Variants in SYN2 observed in about 807,000 individuals in gnomAD.
SYN2 encodes synapsin-2.
A neutral mutation model predicts 50.9 loss-of-function variants in SYN2; 19 were observed. That is an observed-to-expected ratio of 0.37 (90% CI 0.26 to 0.55). The LOEUF is 0.55. Among genes scored for constraint, SYN2 ranks in the 20% least tolerant of loss-of-function variants. SYN2 has a pLI of 0.81. For missense variants in SYN2, 587 were observed against 576.4 expected, an observed-to-expected ratio of 1.02 and a Z score of -0.19; for synonymous variants, 255 against 224.9, an observed-to-expected ratio of 1.13 and a Z score of -1.20.
rs74487652 is a variant in SYN2, at chr3:12,135,444, A to G, written c.378-5207A>G. Among the ~76,000 whole-genome samples the G allele has an allele frequency of 8.8e-3, 1,340 of 152,304 alleles. 18 individuals are homozygous for G. The highest frequency in any genetic ancestry group is 0.031 in the African/African-American group (1,277 of 41,564). On this transcript the variant is annotated intron_variant, in intron 1 of 12. Coordinates refer to ENST00000621198, the MANE Select transcript of SYN2 (RefSeq NM_133625.6). Reference sequence around the variant, plus strand: ...AGGTAAATGTCTAGACCAGTGCTAGATATTTACTAGGTGCTGGACTGTTTA... The same window carrying G: ...AGGTAAATGTCTAGACCAGTGCTAGGTATTTACTAGGTGCTGGACTGTTTA...
chr3:12,099,240 C>G (rs901695861), intron 1 of SYN2, among the ~76,000 whole-genome samples: 4 of 152,034 alleles, frequency 2.6e-5, no homozygotes, highest in Non-Finnish European at 4.4e-5. Context: ...ATAGAACACC[C>G]AACAATAGTA....
intron 1 of SYN2, among the ~76,000 whole-genome samples, chr3:12,121,704 A>AGGAGGGAGGAAG (rs899292764): frequency 7.0e-6 from 1 of 142,356 alleles, no homozygotes; most frequent in African/African-American, 2.6e-5. Context: ...GAGGGCAGGG[A>AGGAGGGAGGAAG]GGAGGGAGGA....
chr3:12,070,606 T>G, intron 1 of SYN2: 1 of 1,377,292 alleles, frequency 7.3e-7, no homozygotes, highest in Non-Finnish European at 9.9e-7. Flanking sequence ...CAGATCATGT[T>G]TGAGACCTTC....
chr3:12,129,638 A>G (rs367840101), intron 1 of SYN2, among the ~76,000 whole-genome samples: 34 of 152,160 alleles, frequency 2.2e-4, no homozygotes, highest in African/African-American at 6.7e-4. Context: ...GTAAATGGCT[A>G]TTTGTTTTTG....
chr3:12,049,444 G>C (rs1267333400), intron 1 of SYN2, among the ~76,000 whole-genome samples: 1 of 152,030 alleles, frequency 6.6e-6, no homozygotes, highest in Non-Finnish European at 1.5e-5. Flanking sequence ...ACTGGAACCC[G>C]GGAGGCGGAG....
intron 1 of SYN2, among the ~76,000 whole-genome samples, chr3:12,018,837 G>A (rs1694072986): frequency 6.6e-6 from 1 of 152,162 alleles, no homozygotes. Flanking sequence ...GTAACTGGTG[G>A]GATTGAGAGT....
At chr3:12,156,617 C>CTAAGAA (rs1482450759) in intron 5 of SYN2, among the ~76,000 whole-genome samples, 1 of 152,168 alleles carries the variant, frequency 6.6e-6, no homozygotes, top group African/African-American at 2.4e-5. Flanking sequence ...GGTCACTGTA[C>CTAAGAA]TAAGAACTCT....
At chr3:12,038,805 G>A (rs1383474513) in intron 1 of SYN2, among the ~76,000 whole-genome samples, 1 of 152,084 alleles carries the variant, frequency 6.6e-6, no homozygotes, top group East Asian at 1.9e-4. Flanking sequence ...AAGAGTGTGT[G>A]TTCATGTTTG....
chr3:12,151,093 A>G, intron 4 of SYN2, 144 bp from the exon 5 acceptor site: 3 of 613,702 alleles, frequency 4.9e-6, no homozygotes, highest in African/African-American at 1.8e-5. Flanking sequence ...GGAAATAGGA[A>G]TTGTACACTT....
At chr3:12,044,181 T>TCTCTCTCTCACACA (rs573246278) in intron 1 of SYN2, among the ~76,000 whole-genome samples, 54 of 53,386 alleles carry the variant, frequency 1.0e-3, no homozygotes, top group East Asian at 5.4e-3. Flanking sequence ...TCTCTCTCTC[T>TCTCTCTCTCACACA]CACACACACA....
chr3:12,167,982 G>C (rs1299522496), intron 8 of SYN2, among the ~76,000 whole-genome samples: 2 of 152,214 alleles, frequency 1.3e-5, no homozygotes, highest in Non-Finnish European at 2.9e-5. Context: ...ATGGAAGGCT[G>C]AATTTAGGAT....
intron 1 of SYN2, among the ~76,000 whole-genome samples, chr3:12,056,825 C>A (rs1281844033): frequency 6.6e-6 from 1 of 152,122 alleles, no homozygotes; most frequent in Non-Finnish European, 1.5e-5. Flanking sequence ...TCTATAGTAT[C>A]TAGCCTTCAG....
intron 1 of SYN2, among the ~76,000 whole-genome samples, chr3:12,090,440 A>C (rs1574934572): frequency 6.6e-6 from 1 of 152,314 alleles, no homozygotes; most frequent in Admixed American, 6.5e-5. Flanking sequence ...TAGTGGAAGG[A>C]ATGCTAAGCT....
chr3:12,023,216 A>G (rs1433251827), intron 1 of SYN2, among the ~76,000 whole-genome samples: 1 of 152,088 alleles, frequency 6.6e-6, no homozygotes, highest in Non-Finnish European at 1.5e-5. Context: ...AAAAAAAATC[A>G]TTGTCATCAC....
chr3:12,168,348 C>G, intron 8 of SYN2, 28 bp from the exon 9 acceptor site: 1 of 1,598,694 alleles, frequency 6.3e-7, no homozygotes, highest in Non-Finnish European at 8.6e-7. Flanking sequence ...ATTGCCCCAG[C>G]TTCAGGACAC....
chr3:12,101,619 A>T (rs968909264), intron 1 of SYN2, among the ~76,000 whole-genome samples: 7 of 152,184 alleles, frequency 4.6e-5, no homozygotes, highest in Admixed American at 3.3e-4. Context: ...TAAAAAGGTT[A>T]ATTTTATAGT....
rs1697666377 is a variant in SYN2, at chr3:12,162,114, A to T, written c.940A>T (p.Ile314Phe). The T allele has an allele frequency of 1.2e-6, 2 of 1,614,028 alleles. No homozygotes were observed. The highest frequency in any genetic ancestry group is 2.7e-5 in the African/African-American group (2 of 74,912). ...GCCTTTCATTGACTCCAAGTATGAC[A>T]TCCGGGTCCAGAAGATTGGCAACAA... ...AEPFIDSKYD[I>F]RVQKIGNNYK... The change falls in exon 7 of 13, where the codon ATC becomes TTC. Residue 314 changes from isoleucine to phenylalanine, a missense_variant. Ile to Phe is a conservative substitution (Grantham distance 21, BLOSUM62 0). Coordinates refer to ENST00000621198, the MANE Select transcript of SYN2 (RefSeq NM_133625.6).
chr3:12,030,748 G>A, intron 1 of SYN2, among the ~76,000 whole-genome samples: 1 of 58,772 alleles, frequency 1.7e-5, no homozygotes, highest in Non-Finnish European at 3.4e-5. Context: ...TTTTTATTGT[G>A]TCTATTTGAT....
chr3:12,012,930 CTCGTTACTTA>C (rs1456576862), intron 1 of SYN2, among the ~76,000 whole-genome samples: 3 of 152,212 alleles, frequency 2.0e-5, no homozygotes, highest in African/African-American at 7.2e-5. Flanking sequence ...ATAAATCTCA[CTCGTTACTTA>C]TCCAGTTATT....
Sources: gnomAD v4.1 joint callset for allele counts (sites outside exome capture counted in the v4.1 genomes callset) on GRCh38, gnomAD v4.1.1 for gene constraint, MANE v1.5 for transcripts, NCBI Gene and HGNC (gene_info 2026-07-23, HGNC 2026-07-21) for gene names.